Variants in TASP1 observed in about 807,000 individuals in gnomAD.
TASP1 encodes the protein taspase 1, also known as threonine aspartase 1.
In TASP1, 16 loss-of-function variants were observed where a neutral mutation model predicts 56.6. The ratio of observed to expected loss-of-function variants is 0.28; its 90% CI spans 0.19 to 0.43. The LOEUF (loss-of-function observed/expected upper bound fraction) is 0.43. Among genes scored for constraint, TASP1 ranks in the 20% least tolerant of loss-of-function variants. The pLI, the probability that TASP1 is intolerant of heterozygous loss-of-function variation, is 1.00. For synonymous variants in TASP1, 179 were observed against 184.2 expected, an observed-to-expected ratio of 0.97 and a Z score of 0.23; for missense variants, 393 against 511.6, an observed-to-expected ratio of 0.77 and a Z score of 2.24.
At chr20:13,547,428 G>A (rs775273992) in intron 8 of TASP1, among the ~76,000 whole-genome samples, 24 of 152,138 alleles carry the variant, frequency 1.6e-4, no homozygotes, top group Non-Finnish European at 3.2e-4. Flanking sequence ...CAAAAACTTG[G>A]ATTTGAGAAC....
chr20:13,604,755 T>C (rs532377437), intron 4 of TASP1, among the ~76,000 whole-genome samples: 6 of 152,180 alleles, frequency 3.9e-5, no homozygotes, highest in Admixed American at 6.5e-5. Flanking sequence ...ATGACTAAAA[T>C]TTAAAAGATT....
chr20:13,162,496 A>G, the TASP1 span, among the ~76,000 whole-genome samples: 2 of 152,218 alleles, frequency 1.3e-5, no homozygotes, highest in African/African-American at 4.8e-5. Flanking sequence ...TGTACATGTA[A>G]GAGAAAATGG....
the TASP1 span, among the ~76,000 whole-genome samples, chr20:13,280,462 A>G: frequency 4.7e-5 from 7 of 149,858 alleles, no homozygotes; most frequent in Admixed American, 4.0e-4. Context: ...GGAGTAGGAT[A>G]AGTGAGGTAA....
intron 9 of TASP1, among the ~76,000 whole-genome samples, chr20:13,532,847 T>G (rs1477578574): frequency 1.3e-5 from 2 of 152,206 alleles, no homozygotes; most frequent in African/African-American, 2.4e-5. Context: ...CAAGCTTGAC[T>G]TTCCTATTGC....
At chr20:13,187,543 A>G in the TASP1 span, among the ~76,000 whole-genome samples, 1 of 151,840 alleles carries the variant, frequency 6.6e-6, no homozygotes, top group Non-Finnish European at 1.5e-5. Context: ...AGGTCAAGAG[A>G]TCAAGACCAT....
the TASP1 span, among the ~76,000 whole-genome samples, chr20:13,253,163 AG>A: frequency 2.5e-4 from 38 of 152,208 alleles, no homozygotes; most frequent in Non-Finnish European, 2.2e-4. Flanking sequence ...CACAGGGAAA[AG>A]CAGGAAGGAA....
chr20:13,191,462 T>C, the TASP1 span, among the ~76,000 whole-genome samples: 1 of 152,168 alleles, frequency 6.6e-6, no homozygotes, highest in Admixed American at 6.6e-5. Context: ...GTGGAGGATA[T>C]CATGTTAAGT....
the TASP1 span, chr20:13,221,957 G>A: frequency 7.7e-7 from 1 of 1,304,246 alleles, no homozygotes; most frequent in Non-Finnish European, 9.7e-7. Flanking sequence ...CTGCGGGGAC[G>A]GTTTGTGGGG....
the TASP1 span, among the ~76,000 whole-genome samples, chr20:13,187,472 G>T: frequency 6.6e-6 from 1 of 151,648 alleles, no homozygotes; most frequent in Non-Finnish European, 1.5e-5. Context: ...AAAGAAGGCC[G>T]GGCGCAGTGG....
chr20:13,424,659 A>T (rs1447888773), intron 12 of TASP1, among the ~76,000 whole-genome samples: 4 of 152,150 alleles, frequency 2.6e-5, no homozygotes. Flanking sequence ...AGAAGCTTCT[A>T]GCCTTTCAGT....
the TASP1 span, among the ~76,000 whole-genome samples, chr20:13,222,170 G>A: frequency 6.6e-6 from 1 of 152,180 alleles, no homozygotes; most frequent in South Asian, 2.1e-4. Flanking sequence ...TCAGGTGCGG[G>A]GTTGGTGGGG....
intron 10 of TASP1, among the ~76,000 whole-genome samples, chr20:13,506,642 A>G (rs986430774): frequency 1.3e-5 from 2 of 152,174 alleles, no homozygotes; most frequent in Admixed American, 1.3e-4. Flanking sequence ...AACAAAAACC[A>G]TATGATCATC....
the TASP1 span, among the ~76,000 whole-genome samples, chr20:13,152,271 AG>A: frequency 1.3e-5 from 2 of 152,206 alleles, no homozygotes; most frequent in Admixed American, 6.5e-5. Flanking sequence ...AAATGTCAAG[AG>A]CTTATAACAG....
chr20:13,185,484 A>T, the TASP1 span, among the ~76,000 whole-genome samples: 1 of 152,218 alleles, frequency 6.6e-6, no homozygotes, highest in Admixed American at 6.5e-5. Context: ...CCTAGTTGAC[A>T]GCATATAATT....
chr20:13,629,371 A>G (rs1021102112), intron 2 of TASP1, among the ~76,000 whole-genome samples: 3 of 151,856 alleles, frequency 2.0e-5, no homozygotes, highest in Admixed American at 1.3e-4. Flanking sequence ...TCTCAAAAAA[A>G]AAAAAAAAAA....
chr20:13,289,854 A>AAGAAACCAC, the TASP1 span, among the ~76,000 whole-genome samples: 2 of 152,232 alleles, frequency 1.3e-5, no homozygotes, highest in Non-Finnish European at 2.9e-5. Flanking sequence ...AGAGCCTTTC[A>AAGAAACCAC]AGAAACCACA....
At chr20:13,612,854 T>A (rs537342836) in intron 4 of TASP1, among the ~76,000 whole-genome samples, 1 of 152,306 alleles carries the variant, frequency 6.6e-6, no homozygotes, top group Non-Finnish European at 1.5e-5. Flanking sequence ...CAGATATCTG[T>A]TCAAGTACCC....
the TASP1 span, among the ~76,000 whole-genome samples, chr20:13,134,153 C>T: frequency 7.9e-5 from 12 of 152,312 alleles, no homozygotes; most frequent in African/African-American, 2.6e-4. Flanking sequence ...CAGTTCCTGA[C>T]ACATCATAGG....
intron 8 of TASP1, among the ~76,000 whole-genome samples, chr20:13,554,588 A>G (rs1175362719): frequency 6.6e-6 from 1 of 152,206 alleles, no homozygotes. Context: ...AATTACAGGC[A>G]TAACTTGGAA....
Sources: gnomAD v4.1 joint callset for allele counts (sites outside exome capture counted in the v4.1 genomes callset) on GRCh38, gnomAD v4.1.1 for gene constraint, MANE v1.5 for transcripts, NCBI Gene and HGNC (gene_info 2026-07-23, HGNC 2026-07-21) for gene names.